PCDHGA3: variants seen among roughly 807,000 people sequenced by gnomAD.
PCDHGA3 encodes the protein protocadherin gamma subfamily A, 3, also known as protocadherin gamma-A3.
PCDHGA3 carries 40 observed loss-of-function variants against 58.5 expected under a neutral mutation model. The ratio of observed to expected loss-of-function variants is 0.68; its 90% CI spans 0.53 to 0.89. The LOEUF (loss-of-function observed/expected upper bound fraction) is 0.89, where lower values mean the gene tolerates loss of function less well. Ranked by LOEUF, PCDHGA3 falls within the 40% of genes least tolerant of loss-of-function variation. The probability of loss-of-function intolerance (pLI) is 0.00; values close to 1 mark genes in which losing one functional copy is unlikely to be tolerated. For synonymous variants in PCDHGA3, 530 were observed against 525.7 expected, an observed-to-expected ratio of 1.01 and a Z score of -0.11; for missense variants, 1,223 against 1,195.9, an observed-to-expected ratio of 1.02 and a Z score of -0.33.
At chr5:141,391,803 G>A (rs953210867) in intron 1 of PCDHGA3, 5 of 152,172 alleles carry the variant, frequency 3.3e-5, no homozygotes, top group African/African-American at 1.2e-4. Flanking sequence ...TTAGATCAAA[G>A]TGTTAATGTA....
At chr5:141,478,011 G>T (rs1216659966) in intron 1 of PCDHGA3, 1 of 1,614,088 alleles carries the variant, frequency 6.2e-7, no homozygotes, top group Non-Finnish European at 8.5e-7. Flanking sequence ...AGTACTGCCC[G>T]TCCAGTCCAA....
At chr5:141,399,927 G>A (rs918358571) in intron 1 of PCDHGA3, 7 of 1,612,226 alleles carry the variant, frequency 4.3e-6, no homozygotes, top group Non-Finnish European at 5.1e-6. Flanking sequence ...ACGCCTGGCT[G>A]TCCTACCACG....
intron 1 of PCDHGA3, chr5:141,423,398 G>C (rs767594062): frequency 6.8e-6 from 11 of 1,614,172 alleles, no homozygotes; most frequent in Non-Finnish European, 9.3e-6. Context: ...CATAAGTCAC[G>C]CCTGCTGCAG....
At chr5:141,462,122 C>A (rs1437400069) in intron 1 of PCDHGA3, among the ~76,000 whole-genome samples, 3 of 152,044 alleles carry the variant, frequency 2.0e-5, no homozygotes, top group Admixed American at 6.6e-5. Context: ...TGCACCCAGT[C>A]CAATTTTTTG....
chr5:141,365,320 C>A (rs1763848662), intron 1 of PCDHGA3: 1 of 1,613,992 alleles, frequency 6.2e-7, no homozygotes, highest in Non-Finnish European at 8.5e-7. Flanking sequence ...TTGTTGCCAG[C>A]GCTAAGGTGG....
chr5:141,369,822 T>C (rs550233059), intron 1 of PCDHGA3, among the ~76,000 whole-genome samples: 1 of 152,318 alleles, frequency 6.6e-6, no homozygotes, highest in Non-Finnish European at 1.5e-5. Context: ...ATAGCTTCCA[T>C]TTGTATGATT....
chr5:141,433,878 T>C (rs774226497), intron 1 of PCDHGA3, among the ~76,000 whole-genome samples: 15 of 151,848 alleles, frequency 9.9e-5, no homozygotes, highest in Non-Finnish European at 1.5e-4. Flanking sequence ...GTTTCATCCA[T>C]TGATGACACT....
At chr5:141,433,765 A>G (rs1389737053) in intron 1 of PCDHGA3, among the ~76,000 whole-genome samples, 1 of 148,692 alleles carries the variant, frequency 6.7e-6, no homozygotes, top group Non-Finnish European at 1.5e-5. Flanking sequence ...TTAACCTGGG[A>G]GGTGGAGGTT....
chr5:141,451,789 G>A (rs2098724524), intron 1 of PCDHGA3, among the ~76,000 whole-genome samples: 1 of 152,074 alleles, frequency 6.6e-6, no homozygotes, highest in South Asian at 2.1e-4. Flanking sequence ...GCTGAGGCCA[G>A]AGAATTGCTT....
intron 1 of PCDHGA3, among the ~76,000 whole-genome samples, chr5:141,386,313 A>G (rs2090530914): frequency 6.6e-6 from 1 of 152,156 alleles, no homozygotes; most frequent in Non-Finnish European, 1.5e-5. Context: ...TCAGTATATC[A>G]AGTGATTGTC....
intron 1 of PCDHGA3, chr5:141,394,162 C>T: frequency 6.2e-7 from 1 of 1,613,904 alleles, no homozygotes; most frequent in Non-Finnish European, 8.5e-7. Context: ...GACAACCCTC[C>T]TACTTTCCCT....
chr5:141,351,323 G>C (rs1326758145), intron 1 of PCDHGA3: 1 of 1,613,832 alleles, frequency 6.2e-7, no homozygotes, highest in Admixed American at 1.7e-5. Context: ...GATTCCAGAG[G>C]ATTCAGACCT....
intron 1 of PCDHGA3, chr5:141,394,148 T>C (rs2092927771): frequency 6.2e-7 from 1 of 1,613,768 alleles, no homozygotes; most frequent in African/African-American, 1.3e-5. Context: ...TGGCAGACAT[T>C]AACGACAACC....
chr5:141,389,101 C>G, intron 1 of PCDHGA3: 1 of 1,614,030 alleles, frequency 6.2e-7, no homozygotes, highest in Non-Finnish European at 8.5e-7. Flanking sequence ...GTGACAGATG[C>G]TGTTCTAGAC....
At chr5:141,352,308 A>G (rs770269507) in intron 1 of PCDHGA3, 2 of 1,613,988 alleles carry the variant, frequency 1.2e-6, no homozygotes, top group Non-Finnish European at 1.7e-6. Context: ...CCCCAGACGG[A>G]ACTGCAGTTT....
intron 1 of PCDHGA3, chr5:141,428,370 C>A: frequency 1.8e-6 from 1 of 540,734 alleles, no homozygotes; most frequent in Non-Finnish European, 3.4e-6. Flanking sequence ...TCGCCTTGCA[C>A]CTGCGATGCT....
intron 1 of PCDHGA3, chr5:141,475,839 CAG>C: frequency 2.3e-6 from 1 of 433,254 alleles, no homozygotes; most frequent in Non-Finnish European, 4.1e-6. Flanking sequence ...GTGTCCTGCT[CAG>C]AGAGCCCGGC....
chr5:141,433,164 A>G, intron 1 of PCDHGA3: 3 of 1,613,600 alleles, frequency 1.9e-6, no homozygotes, highest in Non-Finnish European at 2.5e-6. Context: ...TTTTCTAAAG[A>G]CAGTCATGGG....
intron 1 of PCDHGA3, chr5:141,421,420 G>A: frequency 6.2e-7 from 1 of 1,614,084 alleles, no homozygotes; most frequent in Admixed American, 1.7e-5. Context: ...GAAGCGCGGA[G>A]TCCGCATCGT....
Sources: allele counts gnomAD v4.1 joint callset (sites outside exome capture counted in the v4.1 genomes callset), GRCh38; gene constraint gnomAD v4.1.1; transcripts MANE v1.5; gene names NCBI Gene and HGNC (gene_info 2026-07-23, HGNC 2026-07-21).